Variants in SKOR1 observed in about 807,000 individuals in gnomAD.
SKOR1 encodes LBX1 corepressor 1.
Under a neutral mutation model 72.4 loss-of-function variants are expected in SKOR1, and 38 were observed. That is an observed-to-expected ratio of 0.52 (90% CI 0.40 to 0.69). SKOR1 has a LOEUF of 0.69. Among genes scored for constraint, SKOR1 ranks in the 30% least tolerant of loss-of-function variants. The probability of loss-of-function intolerance (pLI) is 0.00; values close to 1 mark genes in which losing one functional copy is unlikely to be tolerated. For synonymous variants in SKOR1, 642 were observed against 599.4 expected (o/e 1.07, Z -1.04); for missense variants, 1,320 against 1,343.2 (o/e 0.98, Z 0.27).
At chr15:67,831,903 C>CCGGGGGGGGGGGGGGGG (rs1476265010) in intron 5 of SKOR1, among the ~76,000 whole-genome samples, 8 of 28,724 alleles carry the variant, frequency 2.8e-4, no homozygotes, top group African/African-American at 1.6e-3. Context: ...GGCGGCGGTG[C>CCGGGGGGGGGGGGGGGG]GGGGGGGGGA....
In SKOR1 at chr15:67,827,812, G is replaced by T; in HGVS notation, c.1984G>T (p.Asp662Tyr). 1 of 1,583,730 alleles carries T rather than the reference G, an allele frequency of 6.3e-7. No homozygotes were observed. The change falls in exon 2 of 9, where the codon GAC becomes TAC. Residue 662 changes from aspartate (D) to tyrosine (Y), a missense_variant. Physicochemically the swap from Asp to Tyr is radical, Grantham distance 160. This residue lies in a region of SKOR1 where 1,099 missense variants were observed against 1,025.5 expected (regional missense o/e 1.07). Coordinates refer to ENST00000380035, the MANE Select transcript of SKOR1 (RefSeq NM_001365915.1). Reference sequence around the variant, plus strand: ...GGACACCGCGGACGAGCCCGAGGTGGACGTGGAATCCAACCGCTTCCCCGA... The same window carrying T: ...GGACACCGCGGACGAGCCCGAGGTGTACGTGGAATCCAACCGCTTCCCCGA... ...DVDTADEPEV[D>Y]VESNRFPDDE...
chr15:67,830,020 G>T (rs1056442006), intron 3 of SKOR1, among the ~76,000 whole-genome samples, 171 bp from the exon 4 acceptor site: 2 of 152,128 alleles, frequency 1.3e-5, no homozygotes, highest in East Asian at 1.9e-4. Context: ...GCGCGGGGGT[G>T]GGGGGTGCCC....
chr15:67,831,362 C>T (rs34776248), intron 5 of SKOR1, among the ~76,000 whole-genome samples: 20,804 of 152,128 alleles, frequency 0.14, 1,487 homozygotes, highest in East Asian at 0.16. Flanking sequence ...TCCACCTTAC[C>T]CTAAATGGAG....
chr15:67,832,355 A>G lies in SKOR1; in HGVS notation c.2662+7A>G, dbSNP rs2091014682. 7 of 1,613,904 alleles carry G rather than the reference A, an allele frequency of 4.3e-6. No homozygotes were observed. In the East Asian group the frequency reaches 1.6e-4, roughly 36 times the overall value. On this transcript the variant is annotated splice_region_variant and intron_variant, in intron 6 of 8. Coordinates refer to ENST00000380035, the MANE Select transcript of SKOR1 (RefSeq NM_001365915.1). This position sits in a 1 kb window ranked among gnomAD's most constrained non-coding sequence, Gnocchi z 4.5. ...GAATTTCAGAGTCTCAAAGGTACCCACTGCCATCCTGCCTCACCCCACCTC... is the reference window on the plus strand; with the variant it reads ...GAATTTCAGAGTCTCAAAGGTACCCGCTGCCATCCTGCCTCACCCCACCTC...
At position 67,833,769 on chromosome 15, in the gene SKOR1, C is replaced by T. The variant is rs914527237; in HGVS notation, c.2831C>T (p.Ser944Phe). 2.5e-6 allele frequency: 4 copies of T among 1,613,602 alleles called. No homozygotes were observed. In the South Asian group the frequency reaches 3.3e-5, roughly 13 times the overall value. ...KEAHDALHHF[S>F]CKMLTPRHCT... Reference sequence around the variant, plus strand: ...GCCCACGACGCCCTGCACCATTTCTCCTGCAAGATGCTGACGCCCCGCCAC... The same window carrying T: ...GCCCACGACGCCCTGCACCATTTCTTCTGCAAGATGCTGACGCCCCGCCAC... The change falls in exon 9 of 9, where the codon TCC becomes TTC. Residue 944 changes from serine to phenylalanine, a missense_variant. By Grantham distance (155) the Ser-to-Phe change is radical (BLOSUM62 -2). Around this residue, in one of 3 missense-constraint regions of SKOR1, gnomAD observed 1,099 missense variants for 1,025.5 expected, o/e 1.07. Transcript: ENST00000380035. This position sits in a 1 kb window ranked among gnomAD's most constrained non-coding sequence, Gnocchi z 6.0.
In SKOR1 at chr15:67,832,816, G is replaced by T; in HGVS notation, c.2737+135G>T. 1.4e-6 allele frequency: 1 copy of T among 740,474 alleles called. No homozygotes were observed. The allele number at this position is 740,474 out of a possible 1,614,324, so 45.9% of individuals were successfully genotyped here. ...ATTATTTTTTTATTTAATATGCTTT[G>T]TATACTCTGATTAGCCTCAGAATGG... On this transcript the variant is annotated intron_variant, in intron 7 of 8. Coordinates refer to ENST00000380035, the MANE Select transcript of SKOR1 (RefSeq NM_001365915.1). The surrounding 1 kb of genome is among the most constrained non-coding windows in gnomAD (Gnocchi z 4.5).
intron 2 of SKOR1, 135 bp from the exon 3 acceptor site, chr15:67,829,044 C>T (rs998780363): frequency 9.6e-6 from 7 of 732,764 alleles, no homozygotes; most frequent in African/African-American, 1.8e-5. Flanking sequence ...CGTCACTGTG[C>T]CCGCTCAAGT....
At position 67,832,544 on chromosome 15, in the gene SKOR1, T is replaced by A. The variant is rs1400870930; in HGVS notation, c.2663-63T>A. ...TAGGGGTGAAAGGGGGGGCCAGGAG[T>A]GAGAAAGTGGAGCCGGGAGAGGGGG... On this transcript the variant is annotated intron_variant, in intron 6 of 8. Coordinates refer to ENST00000380035, the MANE Select transcript of SKOR1 (RefSeq NM_001365915.1). The surrounding 1 kb of genome is among the most constrained non-coding windows in gnomAD (Gnocchi z 4.5). The A allele has an allele frequency of 1.3e-6, 2 of 1,489,586 alleles. No homozygotes were observed. The highest frequency in any genetic ancestry group is 1.4e-5 in the African/African-American group (1 of 72,128). The allele number at this position is 1,489,586 out of a possible 1,614,324, so 92.3% of individuals were successfully genotyped here.
Position 67,825,662 on chromosome 15 carries a change from C to A in SKOR1, c.60C>A (p.Ser20=). Residue 20 remains serine, a synonymous_variant, in exon 1 of 9, where the codon TCC becomes TCA. Transcript: ENST00000380035. This position sits in a 1 kb window ranked among gnomAD's most constrained non-coding sequence, Gnocchi z 5.6. The part of the protein sequence containing the change: ...VTLRIWVSLP[S]QSENGIGFLA... ...TGCGTATCTGGGTTTCACTTCCTTC[C>A]CAATCCGAAAACGGGATTGGGTTCC... The A allele has an allele frequency of 1.4e-6, 1 of 723,108 alleles. No homozygotes were observed. The highest frequency in any genetic ancestry group is 2.6e-6 in the Non-Finnish European group (1 of 389,194). The allele number at this position is 723,108 out of a possible 1,614,324, so 44.8% of individuals were successfully genotyped here.
chr15:67,834,061 G>A lies in SKOR1; in HGVS notation c.*225G>A. On this transcript the variant is annotated 3_prime_UTR_variant, in exon 9 of 9. Transcript: ENST00000380035. This position sits in a 1 kb window ranked among gnomAD's most constrained non-coding sequence, Gnocchi z 5.8. ...TTTCCAAGTGTAAATACCGCCTCGC[G>A]CCTCAAATCCCCCTACCCCGTGTGA... 1 of 593,652 alleles carries A rather than the reference G, an allele frequency of 1.7e-6. No individual in the cohort carries two copies. Among genetic ancestry groups the A allele is most frequent in the South Asian group, 1.9e-5 (1 of 53,282 alleles). The allele number at this position is 593,652 out of a possible 1,614,324, so 36.8% of individuals were successfully genotyped here.
In SKOR1 at chr15:67,834,107, A is replaced by C; in HGVS notation, c.*271A>C. On this transcript the variant is annotated 3_prime_UTR_variant, in exon 9 of 9. Transcript: ENST00000380035. This position sits in a 1 kb window ranked among gnomAD's most constrained non-coding sequence, Gnocchi z 5.8. ...TGTGAACTCTAGGGCATCGGACCTC[A>C]AGGGGTTAACTGGACAGACGGGGGG... The C allele has an allele frequency of 1.9e-6, 1 of 514,726 alleles. No individual in the cohort carries two copies. The allele number at this position is 514,726 out of a possible 1,614,324, so 31.9% of individuals were successfully genotyped here.
chr15:67,832,404 G>A lies in SKOR1; in HGVS notation c.2662+56G>A, dbSNP rs1597020256. 24 of 1,587,716 alleles carry A rather than the reference G, an allele frequency of 1.5e-5. No individual in the cohort carries two copies. Among genetic ancestry groups the A allele is most frequent in the Non-Finnish European group, 2.1e-5 (24 of 1,157,914 alleles). On this transcript the variant is annotated intron_variant, in intron 6 of 8. Transcript: ENST00000380035. This position sits in a 1 kb window ranked among gnomAD's most constrained non-coding sequence, Gnocchi z 4.5. The stretch of plus-strand genomic sequence containing the variant: ...TCATCACCGAGCCTTCCACCAGGGT[G>A]CCCCGACCTACTCCGAAAGCCGGGT...
chr15:67,832,576 G>C lies in SKOR1; in HGVS notation c.2663-31G>C, dbSNP rs755430734. ...GTGGAGCCGGGAGAGGGGGCTGTGC[G>C]TAACAGCTCTCACTTAATCAATTTG... On this transcript the variant is annotated intron_variant, in intron 6 of 8. Transcript: ENST00000380035. The surrounding 1 kb of genome is among the most constrained non-coding windows in gnomAD (Gnocchi z 4.5). 2 of 1,596,734 alleles carry C rather than the reference G, an allele frequency of 1.3e-6. No homozygotes were observed. Among genetic ancestry groups the C allele is most frequent in the South Asian group, 1.1e-5 (1 of 90,596 alleles).
In SKOR1 at chr15:67,825,862, C is replaced by T. The variant is rs2090954424; in HGVS notation, c.108-74C>T. 6.6e-7 allele frequency: 1 copy of T among 1,512,930 alleles called. No homozygotes were observed. Among genetic ancestry groups the T allele is most frequent in the South Asian group, 1.3e-5 (1 of 75,812 alleles). 93.7% of individuals were successfully genotyped at this position (1,512,930 alleles called of 1,614,324 possible). ...CCCCGCGCGCCCAACTCGGAGCGCCCTGCTGGGCGGGCCCGAGCCTCGGCG... is the reference window on the plus strand; with the variant it reads ...CCCCGCGCGCCCAACTCGGAGCGCCTTGCTGGGCGGGCCCGAGCCTCGGCG... On this transcript the variant is annotated intron_variant, in intron 1 of 8. Coordinates refer to ENST00000380035, the MANE Select transcript of SKOR1 (RefSeq NM_001365915.1). This position sits in a 1 kb window ranked among gnomAD's most constrained non-coding sequence, Gnocchi z 5.6.
At position 67,827,098 on chromosome 15, in the gene SKOR1, G is replaced by A; in HGVS notation, c.1270G>A (p.Gly424Ser). Residue 424 changes from glycine (G) to serine (S), a missense_variant, in exon 2 of 9, where the codon GGC (glycine) becomes AGC (serine). By Grantham distance (56) the Gly-to-Ser change is moderately conservative (BLOSUM62 0). Transcript: ENST00000380035. ...LGAGEPKGGP[G>S]TGSGGGGAGT... Reference sequence around the variant, plus strand: ...CGCGGGCGAGCCAAAGGGCGGTCCTGGCACTGGGAGCGGCGGCGGCGGCGC... The same window carrying A: ...CGCGGGCGAGCCAAAGGGCGGTCCTAGCACTGGGAGCGGCGGCGGCGGCGC... The A allele has an allele frequency of 6.8e-7, 1 of 1,462,146 alleles. No individual in the cohort carries two copies. Among genetic ancestry groups the A allele is most frequent in the Non-Finnish European group, 9.0e-7 (1 of 1,115,908 alleles). The allele number at this position is 1,462,146 out of a possible 1,614,324, so 90.6% of individuals were successfully genotyped here.
chr15:67,833,123 C>T lies in SKOR1; in HGVS notation c.2738-69C>T. On this transcript the variant is annotated intron_variant, in intron 7 of 8. Coordinates refer to ENST00000380035, the MANE Select transcript of SKOR1 (RefSeq NM_001365915.1). This position sits in a 1 kb window ranked among gnomAD's most constrained non-coding sequence, Gnocchi z 6.0. ...TTAGCCCTGGGGAGAGGAGGAAGCC[C>T]GGGCTGTGACCCCGGCCTTTCGGAG... 1.3e-6 allele frequency: 2 copies of T among 1,558,200 alleles called. No individual in the cohort carries two copies. Among genetic ancestry groups the T allele is most frequent in the Non-Finnish European group, 1.8e-6 (2 of 1,132,860 alleles).
At position 67,833,484 on chromosome 15, in the gene SKOR1, T is replaced by G. The variant is rs912238066; in HGVS notation, c.2803+227T>G. Reference sequence around the variant, plus strand: ...GACGTCAGAAAAATCTGCCTTCTATTACCAATTCTGGCTTTGAGCAGGTTG... The same window carrying G: ...GACGTCAGAAAAATCTGCCTTCTATGACCAATTCTGGCTTTGAGCAGGTTG... On this transcript the variant is annotated intron_variant, in intron 8 of 8. Coordinates refer to ENST00000380035, the MANE Select transcript of SKOR1 (RefSeq NM_001365915.1). The surrounding 1 kb of genome is among the most constrained non-coding windows in gnomAD (Gnocchi z 6.0). Among the ~76,000 whole-genome samples, 1 of 152,200 alleles carries G rather than the reference T, an allele frequency of 6.6e-6. No individual in the cohort carries two copies. The highest frequency in any genetic ancestry group is 2.4e-5 in the African/African-American group (1 of 41,432).
intron 2 of SKOR1, among the ~76,000 whole-genome samples, chr15:67,828,943 C>T (rs1259859332): frequency 2.6e-5 from 4 of 152,226 alleles, no homozygotes; most frequent in Non-Finnish European, 4.4e-5. Flanking sequence ...GAACGCCCCT[C>T]GGCTTGGGAG....
At position 67,832,232 on chromosome 15, in the gene SKOR1, GCTTTACCTCCCA is replaced by G. The variant is rs548935387; in HGVS notation, c.2588-25_2588-14del. 1.9e-6 allele frequency: 3 copies of G among 1,596,344 alleles called. No homozygotes were observed. Among genetic ancestry groups the G allele is most frequent in the African/African-American group, 1.3e-5 (1 of 74,738 alleles). The stretch of plus-strand genomic sequence containing the variant: ...CAGAACCTGAGCTCCAAATAACCCT[GCTTTACCTCCCA>G]CTTTACCTCCCACTTTTCCCCTTTC... On this transcript the variant is annotated intron_variant, in intron 5 of 8. Transcript: ENST00000380035. This position sits in a 1 kb window ranked among gnomAD's most constrained non-coding sequence, Gnocchi z 4.5.
Sources: allele counts gnomAD v4.1 joint callset (sites outside exome capture counted in the v4.1 genomes callset), GRCh38; gene constraint gnomAD v4.1.1; regional missense constraint gnomAD v4.1.1; non-coding constraint Gnocchi (gnomAD v3.1); transcripts MANE v1.5; gene names NCBI Gene and HGNC (gene_info 2026-07-23, HGNC 2026-07-21).